Variants in CCN1 observed in about 807,000 individuals in gnomAD.
CCN1 encodes cellular communication network factor 1, also known as CCN family member 1.
A neutral mutation model predicts 38.1 loss-of-function variants in CCN1; 12 were observed. The observed-to-expected ratio is 0.31, with a 90% CI of 0.20 to 0.51. The LOEUF (loss-of-function observed/expected upper bound fraction) is 0.51. Ranked by LOEUF, CCN1 falls within the 20% of genes least tolerant of loss-of-function variation. CCN1 has a pLI of 0.97. For synonymous variants in CCN1, 202 were observed against 196.1 expected (o/e 1.03, Z -0.25); for missense variants, 466 against 490.9 (o/e 0.95, Z 0.48).
chr1:85,582,337 A>G (rs1212481826), intron 3 of CCN1, 53 bp downstream of exon 3: 2 of 1,613,244 alleles, frequency 1.2e-6, no homozygotes, highest in Non-Finnish European at 1.7e-6. Flanking sequence ...TTTCTGGTCT[A>G]AATCTTTGTA....
chr1:85,580,859 G>T lies in CCN1; in HGVS notation c.-126G>T, dbSNP rs2100585245. 7.0e-6 allele frequency: 6 copies of T among 854,388 alleles called. No individual in the cohort carries two copies. Among genetic ancestry groups the T allele is most frequent in the Non-Finnish European group, 8.0e-6 (5 of 628,778 alleles). The allele number at this position is 854,388 out of a possible 1,614,324, so 52.9% of individuals were successfully genotyped here. ...GACGCCCGCCCGCCGCCCAGCCCTCGCCTCCCTGCCCACCGGGCCCACCGC... is the reference window on the plus strand; with the variant it reads ...GACGCCCGCCCGCCGCCCAGCCCTCTCCTCCCTGCCCACCGGGCCCACCGC... On this transcript the variant is annotated 5_prime_UTR_variant, in exon 1 of 5. Transcript: ENST00000451137.
rs142759531 is a variant in CCN1, at chr1:85,582,103, C to G, written c.453C>G (p.Val151=). The G allele has an allele frequency of 8.7e-6, 14 of 1,614,046 alleles. No homozygotes were observed. The African/African-American group carries it at 1.9e-4, about 22-fold the overall frequency. The change falls in exon 3 of 5, where the codon GTC becomes GTG. Residue 151 remains valine (V), a synonymous_variant. Coordinates refer to ENST00000451137, the MANE Select transcript of CCN1 (RefSeq NM_001554.5). The part of the protein sequence containing the change: ...PNLGCPNPRL[V]KVTGQCCEEW... ...TGGGCTGTCCCAACCCTCGGCTGGT[C>G]AAAGTTACCGGGCAGTGCTGCGAGG...
chr1:85,581,312 C>T (rs1659786721), intron 1 of CCN1, 53 bp from the exon 2 acceptor site: 3 of 1,486,444 alleles, frequency 2.0e-6, no homozygotes, highest in East Asian at 2.5e-5. Context: ...GCAGCCGCGG[C>T]GCCCCTCCTG....
At chr1:85,581,086 G>A (rs1321561630) in intron 1 of CCN1, 39 bp downstream of exon 1, 5 of 1,577,262 alleles carry the variant, frequency 3.2e-6, no homozygotes, top group South Asian at 1.2e-5. Context: ...TTCCCCGTCC[G>A]CTCTCCAGCC....
In CCN1 at chr1:85,581,390, G is replaced by A. The variant is rs1352535762; in HGVS notation, c.89G>A (p.Cys30Tyr). The A allele has an allele frequency of 5.0e-6, 8 of 1,599,882 alleles. No homozygotes were observed. The highest frequency in any genetic ancestry group is 4.3e-4 in the Middle Eastern group (2 of 4,682). The change falls in exon 2 of 5, where the codon TGC becomes TAC. Residue 30 changes from cysteine (C) to tyrosine (Y), a missense_variant. Physicochemically the swap from Cys to Tyr is radical, Grantham distance 194. Transcript: ENST00000451137. ...GCGCTCTCCACCTGCCCCGCTGCCT[G>A]CCACTGCCCCCTGGAGGCGCCCAAG... ...RLALSTCPAA[C>Y]HCPLEAPKCA... is the part of the protein sequence containing the mutation.
intron 1 of CCN1, 134 bp from the exon 2 acceptor site, chr1:85,581,231 C>T: frequency 8.4e-7 from 1 of 1,195,660 alleles, no homozygotes; most frequent in African/African-American, 1.5e-5. Context: ...AGCAGCCTTC[C>T]GAGGTGGCCG....
rs751578454 is a variant in CCN1 at position 85,581,036 on chromosome 1, T to G, written c.52T>G (p.Leu18Val). 8 of 1,610,586 alleles carry G rather than the reference T, an allele frequency of 5.0e-6. No homozygotes were observed. Among genetic ancestry groups the G allele is most frequent in the Middle Eastern group, 3.3e-4 (2 of 6,078 alleles). The change falls in exon 1 of 5, where the codon TTG (leucine) becomes GTG (valine). Residue 18 changes from leucine (L) to valine (V), a missense_variant. Transcript: ENST00000451137. ...CGCCTTAGTCGTCACCCTTCTCCAC[T>G]TGACCAGGCTGGTGAGTTGGACTCT... is the stretch of plus-strand genomic sequence containing the variant. The part of the protein sequence containing the change: ...ALALVVTLLH[L>V]TRLALSTCPA...
rs1189075586 is a variant in CCN1 at position 85,582,213 on chromosome 1, C to G, written c.563C>G (p.Ser188Cys). ...GGCAAGGAGCTGGGATTCGATGCCT[C>G]CGAGGTGGAGTTGACGAGAAACAAT... ...LLGKELGFDA[S>C]EVELTRNNEL... is the part of the protein sequence containing the mutation. The change falls in exon 3 of 5, where the codon TCC becomes TGC. Residue 188 changes from serine to cysteine, a missense_variant. Physicochemically the swap from Ser to Cys is moderately radical, Grantham distance 112 (BLOSUM62 -1). Transcript: ENST00000451137. 1 of 1,614,004 alleles carries G rather than the reference C, an allele frequency of 6.2e-7. No homozygotes were observed. The highest frequency in any genetic ancestry group is 8.5e-7 in the Non-Finnish European group (1 of 1,180,044).
chr1:85,580,863 C>T lies in CCN1; in HGVS notation c.-122C>T. ...CCCGCCCGCCGCCCAGCCCTCGCCT[C>T]CCTGCCCACCGGGCCCACCGCGCCG... On this transcript the variant is annotated 5_prime_UTR_variant, in exon 1 of 5. Coordinates refer to ENST00000451137, the MANE Select transcript of CCN1 (RefSeq NM_001554.5). 1 of 926,844 alleles carries T rather than the reference C, an allele frequency of 1.1e-6. No homozygotes were observed. Among genetic ancestry groups the T allele is most frequent in the Non-Finnish European group, 1.5e-6 (1 of 687,864 alleles). The allele number at this position is 926,844 out of a possible 1,614,324, so 57.4% of individuals were successfully genotyped here.
chr1:85,581,344 C>A (rs1415029114), intron 1 of CCN1, 21 bp from the exon 2 acceptor site: 3 of 1,552,006 alleles, frequency 1.9e-6, no homozygotes, highest in Non-Finnish European at 1.7e-6. Context: ...GAGTCTCACG[C>A]GTATCTTCTC....
Position 85,581,912 on chromosome 1 carries a change from T to C in CCN1, c.278-16T>C. The C allele has an allele frequency of 6.2e-7, 1 of 1,607,788 alleles. No individual in the cohort carries two copies. On this transcript the variant is annotated splice_polypyrimidine_tract_variant and intron_variant, in intron 2 of 4. Coordinates refer to ENST00000451137, the MANE Select transcript of CCN1 (RefSeq NM_001554.5). ...CTTTATCCCCTTCTACCTTTCTCTT[T>C]TGGTGATCTTTGCAGCTCAGTCAGA...
intron 4 of CCN1, 30 bp from the exon 5 acceptor site, chr1:85,582,710 C>G: frequency 1.2e-6 from 2 of 1,612,404 alleles, no homozygotes; most frequent in Non-Finnish European, 1.7e-6. Flanking sequence ...AATATCACCC[C>G]TAACTTTCCT....
rs755318530 is a variant in CCN1 at position 85,582,907 on chromosome 1, C to T, written c.1011C>T (p.Cys337=). ...GGACTGTGAAGATGCGGTTCCGCTG[C>T]GAAGATGGGGAGACATTTTCCAAGA... is the stretch of plus-strand genomic sequence containing the variant. ...LTRTVKMRFR[C]EDGETFSKNV... Residue 337 remains cysteine (C), a synonymous_variant, in exon 5 of 5, where the codon TGC becomes TGT. Coordinates refer to ENST00000451137, the MANE Select transcript of CCN1 (RefSeq NM_001554.5). 2 of 1,614,178 alleles carry T rather than the reference C, an allele frequency of 1.2e-6. No homozygotes were observed.
Position 85,581,524 on chromosome 1 carries a change from G to C in CCN1, c.223G>C (p.Gly75Arg). ...SKTQPCDHTK[G>R]LECNFGASST... ...AACGCAGCCCTGCGACCACACCAAG[G>C]GGCTGGAATGCAACTTCGGCGCCAG... The change falls in exon 2 of 5, where the codon GGG becomes CGG. Residue 75 changes from glycine to arginine, a missense_variant. By Grantham distance (125) the Gly-to-Arg change is moderately radical. Coordinates refer to ENST00000451137, the MANE Select transcript of CCN1 (RefSeq NM_001554.5). The C allele has an allele frequency of 6.2e-7, 1 of 1,613,978 alleles. No individual in the cohort carries two copies. Among genetic ancestry groups the C allele is most frequent in the Non-Finnish European group, 8.5e-7 (1 of 1,180,028 alleles).
Position 85,580,910 on chromosome 1 carries a change from CG to C in CCN1, c.-73del. On this transcript the variant is annotated 5_prime_UTR_variant, in exon 1 of 5. Transcript: ENST00000451137. ...GCCGCCACCCCGACCCCGCTGCGCA[CG>C]GCCTGTCCGCTGCACACCAGCTTGT... The C allele has an allele frequency of 1.4e-6, 2 of 1,387,496 alleles. No homozygotes were observed. Among genetic ancestry groups the C allele is most frequent in the Non-Finnish European group, 1.9e-6 (2 of 1,061,352 alleles). The allele number at this position is 1,387,496 out of a possible 1,614,324, so 85.9% of individuals were successfully genotyped here. A position where few individuals can be genotyped will look rare whatever the true frequency, so the allele number is the denominator to read the frequency against.
chr1:85,582,307 A>G, intron 3 of CCN1, 23 bp downstream of exon 3: 1 of 1,613,960 alleles, frequency 6.2e-7, no homozygotes, highest in Non-Finnish European at 8.5e-7. Context: ...TGAGCACTTC[A>G]GACACTGTAC....
At position 85,582,941 on chromosome 1, in the gene CCN1, A is replaced by T. The variant is rs1352100670; in HGVS notation, c.1045A>T (p.Met349Leu). The T allele has an allele frequency of 6.2e-7, 1 of 1,614,096 alleles. No individual in the cohort carries two copies. Among genetic ancestry groups the T allele is most frequent in the Non-Finnish European group, 8.5e-7 (1 of 1,180,056 alleles). ...DGETFSKNVM[M>L]IQSCKCNYNC... ...GGAGACATTTTCCAAGAACGTCATG[A>T]TGATCCAGTCCTGCAAATGCAACTA... Residue 349 changes from methionine (M) to leucine (L), a missense_variant, in exon 5 of 5, where the codon ATG becomes TTG. Around this residue, in one of 3 missense-constraint regions of CCN1, gnomAD observed 309 missense variants for 319.9 expected, o/e 0.97. Coordinates refer to ENST00000451137, the MANE Select transcript of CCN1 (RefSeq NM_001554.5).
rs1659779910 is a variant in CCN1 at position 85,581,026 on chromosome 1, C to G, written c.42C>G (p.Thr14=). 6.2e-7 allele frequency: 1 copy of G among 1,611,006 alleles called. No individual in the cohort carries two copies. Among genetic ancestry groups the G allele is most frequent in the African/African-American group, 1.3e-5 (1 of 74,724 alleles). ...CCAGGGCGCTCGCCTTAGTCGTCAC[C>G]CTTCTCCACTTGACCAGGCTGGTGA... ...RIARALALVV[T]LLHLTRLALS... is the part of the protein sequence containing the mutation. The change falls in exon 1 of 5, where the codon ACC becomes ACG. Residue 14 remains threonine, a synonymous_variant. Coordinates refer to ENST00000451137, the MANE Select transcript of CCN1 (RefSeq NM_001554.5).
In CCN1 at chr1:85,582,218, G is replaced by A. The variant is rs769431586; in HGVS notation, c.568G>A (p.Val190Met). ...GKELGFDASE[V>M]ELTRNNELIA... ...GGAGCTGGGATTCGATGCCTCCGAG[G>A]TGGAGTTGACGAGAAACAATGAATT... Residue 190 changes from valine (V) to methionine (M), a missense_variant, in exon 3 of 5, where the codon GTG (valine) becomes ATG (methionine). Physicochemically the swap from Val to Met is conservative, Grantham distance 21. Coordinates refer to ENST00000451137, the MANE Select transcript of CCN1 (RefSeq NM_001554.5). 25 of 1,614,198 alleles carry A rather than the reference G, an allele frequency of 1.5e-5. No individual in the cohort carries two copies. In the South Asian group the frequency reaches 2.1e-4, roughly 13 times the overall value.
Sources: allele counts gnomAD v4.1 joint callset, GRCh38; gene constraint gnomAD v4.1.1; regional missense constraint gnomAD v4.1.1; transcripts MANE v1.5; gene names NCBI Gene and HGNC (gene_info 2026-07-23, HGNC 2026-07-21).